Variants in ASS1 observed in about 807,000 individuals in gnomAD.
ASS1 encodes argininosuccinate synthase.
ASS1 carries 58 observed loss-of-function variants against 60.5 expected under a neutral mutation model. That is an observed-to-expected ratio of 0.96 (90% CI 0.78 to 1.19). The LOEUF (loss-of-function observed/expected upper bound fraction) is 1.19, where lower values mean the gene tolerates loss of function less well. ASS1 is among the 50% of genes most tolerant of loss of function. The pLI, the probability that ASS1 is intolerant of heterozygous loss-of-function variation, is 0.00. For missense variants in ASS1, 454 were observed against 547.3 expected, an observed-to-expected ratio of 0.83 and a Z score of 1.70; for synonymous variants, 200 against 206.9, an observed-to-expected ratio of 0.97 and a Z score of 0.29.
chr9:130,480,510 G>C, intron 11 of ASS1, 61 bp downstream of exon 11: 1 of 1,578,676 alleles, frequency 6.3e-7, no homozygotes, highest in East Asian at 2.3e-5. Flanking sequence ...AGAGATCCCT[G>C]AGACCCTGTC....
In ASS1 at chr9:130,476,590, C is replaced by G. The variant is rs193158502; in HGVS notation, c.598-281C>G. 2.4e-5 allele frequency: 13 copies of G among 551,912 alleles called. No individual in the cohort carries two copies. In the Admixed American group the frequency reaches 2.8e-4, roughly 12 times the overall value. 34.2% of individuals were successfully genotyped at this position (551,912 alleles called of 1,614,324 possible). On this transcript the variant is annotated intron_variant, in intron 8 of 14. Transcript: ENST00000352480. The surrounding 1 kb of genome is among the most constrained non-coding windows in gnomAD (Gnocchi z 4.9). ...CACACTTTTTCCTGCCTGACTTGTT[C>G]CTCTCCAGCTATTCTACCTCCAGCT... is the stretch of plus-strand genomic sequence containing the variant.
At chr9:130,471,681 C>G (rs572357790) in intron 8 of ASS1, among the ~76,000 whole-genome samples, 166 bp downstream of exon 8, 30 of 152,272 alleles carry the variant, frequency 2.0e-4, no homozygotes, top group East Asian at 5.8e-4. Context: ...CACTGGCCCC[C>G]CTCTGCCCAC....
chr9:130,479,964 T>G lies in ASS1; in HGVS notation c.773+164T>G, dbSNP rs545710390. 158 of 874,016 alleles carry G rather than the reference T, an allele frequency of 1.8e-4. 1 individual carries two copies. In the South Asian group the frequency reaches 2.0e-3, roughly 11 times the overall value. The allele number at this position is 874,016 out of a possible 1,614,324, so 54.1% of individuals were successfully genotyped here. On this transcript the variant is annotated intron_variant, in intron 10 of 14. Transcript: ENST00000352480. ...AGTTTCCCGGACCAGGGGGACCCAT[T>G]TGGCAGGAGAGGCTCCGTGGTCCTT...
At chr9:130,495,460 T>C (rs12553789) in intron 13 of ASS1, among the ~76,000 whole-genome samples, 15,159 of 103,882 alleles carry the variant, frequency 0.15, 854 homozygotes, top group Non-Finnish European at 0.16. Flanking sequence ...TATATATATA[T>C]ACACATACAT....
At chr9:130,493,747 T>TGGCC (rs1554724930) in intron 12 of ASS1, among the ~76,000 whole-genome samples, 3 of 150,832 alleles carry the variant, frequency 2.0e-5, no homozygotes, top group African/African-American at 7.5e-5. Context: ...CCCCCCGCCA[T>TGGCC]GGCCTGCCTG....
chr9:130,471,216 AAGGCAG>A (rs1277958676), intron 7 of ASS1, among the ~76,000 whole-genome samples: 1 of 152,150 alleles, frequency 6.6e-6, no homozygotes, highest in African/African-American at 2.4e-5. Context: ...AAGAGTGTTT[AAGGCAG>A]AGGCAGAGGC....
intron 3 of ASS1, among the ~76,000 whole-genome samples, chr9:130,456,877 G>A (rs1845461934): frequency 6.6e-6 from 1 of 151,628 alleles, no homozygotes; most frequent in Admixed American, 6.6e-5. Flanking sequence ...AGTGAGCCAA[G>A]ATTGCACCTC....
chr9:130,459,776 C>T lies in ASS1; in HGVS notation c.363+1187C>T, dbSNP rs1047863013. Reference sequence around the variant, plus strand: ...TGTTAAGACCACATGAGGCCACATTCGGAGGGACTGGGGTTAGGACTTGAA... The same window carrying T: ...TGTTAAGACCACATGAGGCCACATTTGGAGGGACTGGGGTTAGGACTTGAA... On this transcript the variant is annotated intron_variant, in intron 4 of 14. Coordinates refer to ENST00000352480, the MANE Select transcript of ASS1 (RefSeq NM_054012.4). This position sits in a 1 kb window ranked among gnomAD's most constrained non-coding sequence, Gnocchi z 4.6. Among the ~76,000 whole-genome samples, 2 of 152,186 alleles carry T rather than the reference C, an allele frequency of 1.3e-5. No individual in the cohort carries two copies. Among genetic ancestry groups the T allele is most frequent in the African/African-American group, 2.4e-5 (1 of 41,464 alleles).
chr9:130,480,630 T>G (rs1406296927), intron 11 of ASS1, among the ~76,000 whole-genome samples, 181 bp downstream of exon 11: 1 of 152,208 alleles, frequency 6.6e-6, no homozygotes, highest in East Asian at 1.9e-4. Flanking sequence ...TCGTGGGCCC[T>G]TTGCCCCTGA....
chr9:130,466,794 G>A lies in ASS1; in HGVS notation c.490G>A (p.Ala164Thr), dbSNP rs201445618. 9.9e-6 allele frequency: 16 copies of A among 1,613,890 alleles called. No individual in the cohort carries two copies. Among genetic ancestry groups the A allele is most frequent in the African/African-American group, 9.3e-5 (7 of 74,934 alleles). Residue 164 changes from alanine (A) to threonine (T), a missense_variant, in exon 6 of 15, where the codon GCA becomes ACA. By Grantham distance (58) the Ala-to-Thr change is moderately conservative. Coordinates refer to ENST00000352480, the MANE Select transcript of ASS1 (RefSeq NM_054012.4). ...FKGRNDLMEY[A>T]KQHGIPIPVT... ...GGGCCGCAATGACCTGATGGAGTAC[G>A]CAAAGGTATGGCCGAGTCTCCCCAC...
intron 9 of ASS1, among the ~76,000 whole-genome samples, chr9:130,479,038 C>T (rs943440596): frequency 1.3e-5 from 2 of 152,184 alleles, no homozygotes; most frequent in Non-Finnish European, 2.9e-5. Context: ...ACATTTATTG[C>T]TCATTTCACA....
At chr9:130,447,310 G>A (rs1268720884) in intron 1 of ASS1, among the ~76,000 whole-genome samples, 2 of 152,240 alleles carry the variant, frequency 1.3e-5, no homozygotes, top group East Asian at 3.9e-4. Flanking sequence ...CTTAGCCTCT[G>A]CCTCCTCCTT....
intron 3 of ASS1, 35 bp downstream of exon 3, chr9:130,454,408 T>C: frequency 1.2e-6 from 2 of 1,602,696 alleles, no homozygotes; most frequent in Non-Finnish European, 1.7e-6. Context: ...GGGCTGGGAG[T>C]GGGGCGGTGA....
intron 2 of ASS1, among the ~76,000 whole-genome samples, chr9:130,453,076 A>G (rs546131077): frequency 6.6e-6 from 1 of 152,218 alleles, no homozygotes; most frequent in East Asian, 1.9e-4. Context: ...TCTATCTCCA[A>G]CTCTACTTGG....
rs757082308 is a variant in ASS1 at position 130,466,841 on chromosome 9, G to T, written c.495+42G>T. Reference sequence around the variant, plus strand: ...CCACCACCCCCAACCTTTCCCTATAGCCCCCTTCCCGGGCACGTCCCTGCT... The same window carrying T: ...CCACCACCCCCAACCTTTCCCTATATCCCCCTTCCCGGGCACGTCCCTGCT... On this transcript the variant is annotated intron_variant, in intron 6 of 14. Coordinates refer to ENST00000352480, the MANE Select transcript of ASS1 (RefSeq NM_054012.4). 2.5e-6 allele frequency: 4 copies of T among 1,601,788 alleles called. No individual in the cohort carries two copies. The South Asian group carries it at 3.3e-5, about 13-fold the overall frequency.
chr9:130,475,894 C>T (rs528354571), intron 8 of ASS1, among the ~76,000 whole-genome samples: 89 of 152,104 alleles, frequency 5.9e-4, no homozygotes, highest in Middle Eastern at 6.8e-3. Context: ...GTAGCTGGGA[C>T]TACAGGCGCA....
In ASS1 at chr9:130,470,792, T is replaced by C. The variant is rs762220508; in HGVS notation, c.496-42T>C. Reference sequence around the variant, plus strand: ...CCCTGGGACGGACCTCACGCGTCCTTCCAGCCGCCTTACCTCCACCTGTGC... The same window carrying C: ...CCCTGGGACGGACCTCACGCGTCCTCCCAGCCGCCTTACCTCCACCTGTGC... On this transcript the variant is annotated intron_variant, in intron 6 of 14. Coordinates refer to ENST00000352480, the MANE Select transcript of ASS1 (RefSeq NM_054012.4). The surrounding 1 kb of genome is among the most constrained non-coding windows in gnomAD (Gnocchi z 4.3). 6.2e-7 allele frequency: 1 copy of C among 1,601,590 alleles called. No homozygotes were observed. Among genetic ancestry groups the C allele is most frequent in the South Asian group, 1.1e-5 (1 of 90,822 alleles).
intron 10 of ASS1, 39 bp from the exon 11 acceptor site, chr9:130,480,346 C>T (rs748525942): frequency 3.7e-6 from 6 of 1,612,812 alleles, no homozygotes; most frequent in East Asian, 2.2e-5. Flanking sequence ...CTGAGCCTTG[C>T]GGTAGCGCCC....
chr9:130,485,735 C>T (rs1320020833), intron 11 of ASS1, among the ~76,000 whole-genome samples: 1 of 152,224 alleles, frequency 6.6e-6, no homozygotes, highest in Non-Finnish European at 1.5e-5. Flanking sequence ...GTATCCAGTT[C>T]TAGCATGTGC....
Sources: gnomAD v4.1 joint callset for allele counts (sites outside exome capture counted in the v4.1 genomes callset) on GRCh38, gnomAD v4.1.1 for gene constraint, Gnocchi (gnomAD v3.1) non-coding constraint, MANE v1.5 for transcripts, NCBI Gene and HGNC (gene_info 2026-07-23, HGNC 2026-07-21) for gene names.